Variants in PRELID2 observed in about 807,000 individuals in gnomAD.
PRELID2 encodes the protein PRELI domain-containing protein 2.
In PRELID2, 25 loss-of-function variants were observed where a neutral mutation model predicts 28.4. That is an observed-to-expected ratio of 0.88 (90% CI 0.64 to 1.23). The LOEUF (loss-of-function observed/expected upper bound fraction) is 1.23. PRELID2 is among the 50% of genes most tolerant of loss of function. The probability of loss-of-function intolerance (pLI) is 0.00; values close to 1 mark genes in which losing one functional copy is unlikely to be tolerated. For missense variants in PRELID2, 201 were observed against 214.4 expected, an observed-to-expected ratio of 0.94 and a Z score of 0.39; for synonymous variants, 76 against 71.6, an observed-to-expected ratio of 1.06 and a Z score of -0.31.
chr5:145,504,831 G>GGTCCCT (rs1231341317), intron 1 of PRELID2, among the ~76,000 whole-genome samples: 1 of 152,042 alleles, frequency 6.6e-6, no homozygotes, highest in African/African-American at 2.4e-5. Context: ...TTACCTAGTA[G>GGTCCCT]GTCCCTGTAA....
At chr5:145,238,448 T>C in the PRELID2 span, among the ~76,000 whole-genome samples, 1 of 152,136 alleles carries the variant, frequency 6.6e-6, no homozygotes, top group Non-Finnish European at 1.5e-5. Context: ...CCACAGAATA[T>C]GTCAACCTCA....
At chr5:145,690,643 C>T (rs1024033391) in intron 1 of PRELID2, among the ~76,000 whole-genome samples, 15 of 152,308 alleles carry the variant, frequency 9.8e-5, no homozygotes, top group African/African-American at 3.6e-4. Context: ...TGAAGCCAAA[C>T]GTACTGTCAG....
At chr5:145,677,157 T>C (rs1268176872) in intron 1 of PRELID2, among the ~76,000 whole-genome samples, 2 of 146,846 alleles carry the variant, frequency 1.4e-5, no homozygotes, top group African/African-American at 2.5e-5. Flanking sequence ...TTTTGGTTTT[T>C]TTTTTTTTTT....
At chr5:145,392,960 G>A in the PRELID2 span, among the ~76,000 whole-genome samples, 1 of 152,164 alleles carries the variant, frequency 6.6e-6, no homozygotes, top group Admixed American at 6.5e-5. Flanking sequence ...CATTTGTCCA[G>A]CTGAGGGCTT....
At chr5:145,298,319 A>G in the PRELID2 span, among the ~76,000 whole-genome samples, 7 of 152,176 alleles carry the variant, frequency 4.6e-5, no homozygotes, top group Non-Finnish European at 8.8e-5. Flanking sequence ...AACGCCGCAT[A>G]TCTACAACTA....
the PRELID2 span, among the ~76,000 whole-genome samples, chr5:145,326,927 T>C: frequency 6.6e-6 from 1 of 151,786 alleles, no homozygotes; most frequent in African/African-American, 2.4e-5. Flanking sequence ...AGCCAAGAAT[T>C]GGGAGAAAGC....
the PRELID2 span, among the ~76,000 whole-genome samples, chr5:145,366,145 A>G: frequency 1.3e-5 from 2 of 151,940 alleles, no homozygotes. Flanking sequence ...AATGAAAGCC[A>G]TAGAGGACAC....
intron 1 of PRELID2, among the ~76,000 whole-genome samples, chr5:145,713,183 C>CT (rs1755741598): frequency 2.6e-5 from 4 of 151,294 alleles, no homozygotes; most frequent in Non-Finnish European, 5.9e-5. Context: ...ATCCAAAAAG[C>CT]TTACCTAACC....
At chr5:145,336,612 T>C in the PRELID2 span, among the ~76,000 whole-genome samples, 6 of 152,282 alleles carry the variant, frequency 3.9e-5, no homozygotes, top group East Asian at 7.7e-4. Flanking sequence ...CTGAGGGCTC[T>C]GTTCTGTTCC....
intron 1 of PRELID2, among the ~76,000 whole-genome samples, chr5:145,616,883 C>T (rs1449112208): frequency 6.6e-6 from 1 of 152,154 alleles, no homozygotes; most frequent in Non-Finnish European, 1.5e-5. Context: ...CTATGGGAGA[C>T]TGGGGCTTAT....
intron 1 of PRELID2, among the ~76,000 whole-genome samples, chr5:145,829,574 G>A (rs1342607309): frequency 1.3e-5 from 2 of 152,112 alleles, no homozygotes; most frequent in Non-Finnish European, 2.9e-5. Flanking sequence ...TTCTCATTTT[G>A]CAGATGAGGA....
At chr5:145,373,971 ATATAT>A in the PRELID2 span, among the ~76,000 whole-genome samples, 1 of 144,834 alleles carries the variant, frequency 6.9e-6, no homozygotes, top group East Asian at 2.0e-4. Flanking sequence ...AACATATAAT[ATATAT>A]TATATTAATA....
the PRELID2 span, among the ~76,000 whole-genome samples, chr5:145,381,017 G>C: frequency 2.0e-5 from 3 of 152,102 alleles, no homozygotes; most frequent in African/African-American, 7.2e-5. Flanking sequence ...TGATCCACTG[G>C]AAATTCTGCT....
At chr5:145,456,845 AC>A in the PRELID2 span, among the ~76,000 whole-genome samples, 1 of 152,230 alleles carries the variant, frequency 6.6e-6, no homozygotes, top group South Asian at 2.1e-4. Context: ...AGCTCTTAAT[AC>A]TATGCATCAA....
At position 145,818,025 on chromosome 5, in the gene PRELID2, T is replaced by C. The variant is rs1754494750; in HGVS notation, c.237A>G (p.Gln79=). 6.2e-7 allele frequency: 1 copy of C among 1,612,430 alleles called. No individual in the cohort carries two copies. The highest frequency in any genetic ancestry group is 8.5e-7 in the Non-Finnish European group (1 of 1,179,304). The change falls in exon 4 of 7, where the codon CAA becomes CAG. Residue 79 remains glutamine, a synonymous_variant. Coordinates refer to ENST00000683046, the MANE Select transcript of PRELID2 (RefSeq NM_205846.3). ...KVSILKVPNI[Q]LEEESWLNPR... ...GATTGAGCCATGACTCCTCTTCTAA[T>C]TGGATATTAGGTACTTTCAAAATGC...
At chr5:145,753,592 T>G (rs1242654120), downstream of PRELID2, among the ~76,000 whole-genome samples, 1 of 152,180 alleles carries the variant, frequency 6.6e-6, no homozygotes, top group Non-Finnish European at 1.5e-5. Context: ...AGGTTACTAC[T>G]GATAAGAGAA....
At chr5:145,770,070 G>A (rs1758010132) in intron 5 of PRELID2, among the ~76,000 whole-genome samples, 1 of 152,172 alleles carries the variant, frequency 6.6e-6, no homozygotes, top group Non-Finnish European at 1.5e-5. Context: ...TGTTTGTGGT[G>A]ACATTGGTGT....
intron 1 of PRELID2, among the ~76,000 whole-genome samples, chr5:145,670,635 G>A (rs1408732398): frequency 6.6e-6 from 1 of 152,078 alleles, no homozygotes; most frequent in African/African-American, 2.4e-5. Flanking sequence ...CTTCACTACT[G>A]TAATTCATCT....
the PRELID2 span, among the ~76,000 whole-genome samples, chr5:145,246,647 T>C: frequency 4.7e-3 from 722 of 152,190 alleles, 2 homozygotes; most frequent in Non-Finnish European, 8.2e-3. Flanking sequence ...ATGAGAGACA[T>C]GGTAAGAGAA....
Sources: allele counts gnomAD v4.1 joint callset (sites outside exome capture counted in the v4.1 genomes callset), GRCh38; gene constraint gnomAD v4.1.1; transcripts MANE v1.5; gene names NCBI Gene and HGNC (gene_info 2026-07-23, HGNC 2026-07-21).